COL9A2: variants seen among roughly 807,000 people sequenced by gnomAD.
The protein encoded by COL9A2 is collagen type IX alpha 2 chain.
Under a neutral mutation model 111.6 loss-of-function variants are expected in COL9A2, and 66 were observed. The ratio of observed to expected loss-of-function variants is 0.59; its 90% CI spans 0.48 to 0.73. COL9A2 has a LOEUF of 0.73. Among genes scored for constraint, COL9A2 ranks in the 30% least tolerant of loss-of-function variants. The pLI, the probability that COL9A2 is intolerant of heterozygous loss-of-function variation, is 0.00. For synonymous variants in COL9A2, 353 were observed against 364.1 expected (o/e 0.97, Z 0.35); for missense variants, 881 against 954.1 (o/e 0.92, Z 1.01).
At chr1:40,304,564 C>A (rs997892467) in intron 22 of COL9A2, 35 bp from the exon 23 acceptor site, 9 of 1,613,124 alleles carry the variant, frequency 5.6e-6, no homozygotes, top group Admixed American at 5.0e-5. Flanking sequence ...ACCTCAGCAG[C>A]TCTCAGCAGG....
Position 40,301,803 on chromosome 1 carries a change from A to G in COL9A2, c.1870+9T>C, listed in dbSNP as rs139929272. On this transcript the variant is annotated intron_variant, in intron 31 of 31. Transcript: ENST00000372748. ...AACACACTGCAGCTGGGCAGGGCCA[A>G]TGGCTTACCTGGGATCCCTGGGGGC... 1,160 of 1,613,776 alleles carry G rather than the reference A, an allele frequency of 7.2e-4. 10 individuals are homozygous for G. In the African/African-American group the frequency reaches 0.013, roughly 19 times the overall value.
At chr1:40,308,091 G>T in intron 17 of COL9A2, 101 bp downstream of exon 17, 1 of 1,185,236 alleles carries the variant, frequency 8.4e-7, no homozygotes. Flanking sequence ...CCCACCAGTT[G>T]CAGAGTTCAG....
In COL9A2 at chr1:40,306,031, G is replaced by A. The variant is rs978539473; in HGVS notation, c.1053+112C>T. The stretch of plus-strand genomic sequence containing the variant: ...GCAGGAGGGAGGTGGTTAGGCCCAA[G>A]GGGCTTATGTTCTGGCTGAGCCTCT... On this transcript the variant is annotated intron_variant, in intron 20 of 31. Coordinates refer to ENST00000372748, the MANE Select transcript of COL9A2 (RefSeq NM_001852.4). 76 of 1,285,004 alleles carry A rather than the reference G, an allele frequency of 5.9e-5. No individual in the cohort carries two copies. In the African/African-American group the frequency reaches 1.0e-3, roughly 17 times the overall value. 79.6% of individuals were successfully genotyped at this position (1,285,004 alleles called of 1,614,324 possible). A position where few individuals can be genotyped will look rare whatever the true frequency, so the allele number is the denominator to read the frequency against.
chr1:40,311,248 T>TGG lies in COL9A2; in HGVS notation c.556_557dup (p.Gly187GlnfsTer6), dbSNP rs749888464. 6.2e-7 allele frequency: 1 copy of TGG among 1,614,146 alleles called. No homozygotes were observed. The highest frequency in any genetic ancestry group is 8.5e-7 in the Non-Finnish European group (1 of 1,180,004). ...CTCTCACCTTCACTCCCTGCAGCCCTGGGGGACCTTTCATTCCGGGTGGAC... is the reference window on the plus strand; with the variant it reads ...CTCTCACCTTCACTCCCTGCAGCCCTGGGGGGGACCTTTCATTCCGGGTGGAC... On this transcript the variant is annotated frameshift_variant, in exon 11 of 32. Transcript: ENST00000372748. LOFTEE classifies it high-confidence loss of function. The surrounding 1 kb of genome is among the most constrained non-coding windows in gnomAD (Gnocchi z 5.1).
rs2273197 is a variant in COL9A2 at position 40,314,429 on chromosome 1, A to G, written c.151-42T>C. On this transcript the variant is annotated intron_variant, in intron 2 of 31. Coordinates refer to ENST00000372748, the MANE Select transcript of COL9A2 (RefSeq NM_001852.4). This position sits in a 1 kb window ranked among gnomAD's most constrained non-coding sequence, Gnocchi z 4.1. Reference sequence around the variant, plus strand: ...GGTGAGACAGCACACTACGGCTCACACTACCCCAAGTGGGCACACACAGGC... The same window carrying G: ...GGTGAGACAGCACACTACGGCTCACGCTACCCCAAGTGGGCACACACAGGC... The G allele has an allele frequency of 1.7e-3, 2,821 of 1,613,704 alleles. 32 individuals carry two copies. The East Asian group carries it at 0.028, about 16-fold the overall frequency.
chr1:40,304,790 T>C lies in COL9A2; in HGVS notation c.1161+4A>G. On this transcript the variant is annotated splice_donor_region_variant and intron_variant, in intron 22 of 31. Coordinates refer to ENST00000372748, the MANE Select transcript of COL9A2 (RefSeq NM_001852.4). ...GGGGAGGGGCCATTGTGCCAGGCAC[T>C]TACCTTCTGTCCCATGATGCCCTGG... 1.3e-6 allele frequency: 2 copies of C among 1,550,654 alleles called. No individual in the cohort carries two copies. The highest frequency in any genetic ancestry group is 1.7e-6 in the Non-Finnish European group (2 of 1,146,682).
chr1:40,309,881 G>T, intron 16 of COL9A2, 57 bp downstream of exon 16: 1 of 1,584,586 alleles, frequency 6.3e-7, no homozygotes, highest in Non-Finnish European at 8.7e-7. Context: ...GGGGTGCCTT[G>T]TCCTGCCCAG....
Position 40,310,757 on chromosome 1 carries a change from C to T in COL9A2, c.641G>A (p.Gly214Glu). 6.4e-7 allele frequency: 1 copy of T among 1,562,306 alleles called. No homozygotes were observed. The highest frequency in any genetic ancestry group is 1.4e-5 in the African/African-American group (1 of 73,494). The change falls in exon 13 of 32, where the codon GGA becomes GAA. Residue 214 changes from glycine to glutamate, a missense_variant. Transcript: ENST00000372748. The surrounding 1 kb of genome is among the most constrained non-coding windows in gnomAD (Gnocchi z 4.9). ...PGHQGKPGPK[G>E]DVGASGEQGI... is the part of the protein sequence containing the mutation. ...TTGCTCTCCAGAGGCACCCACATCTCCCTTGGGACCCTAAAGGGCAGGGAT... is the reference window on the plus strand; with the variant it reads ...TTGCTCTCCAGAGGCACCCACATCTTCCTTGGGACCCTAAAGGGCAGGGAT...
chr1:40,311,265 C>T lies in COL9A2; in HGVS notation c.541G>A (p.Gly181Arg), dbSNP rs761837402. ...DFLCPTNCPPGMKGPPGLQGV... is the reference protein window; with the variant it reads ...DFLCPTNCPPRMKGPPGLQGV... ...TGCAGCCCTGGGGGACCTTTCATTCCGGGTGGACAGTTGGTTGGACACTGG... is the reference window on the plus strand; with the variant it reads ...TGCAGCCCTGGGGGACCTTTCATTCTGGGTGGACAGTTGGTTGGACACTGG... Residue 181 changes from glycine to arginine, a missense_variant, in exon 11 of 32, where the codon GGA (glycine) becomes AGA (arginine). Transcript: ENST00000372748. This position sits in a 1 kb window ranked among gnomAD's most constrained non-coding sequence, Gnocchi z 5.1. 4.3e-6 allele frequency: 7 copies of T among 1,613,998 alleles called. No homozygotes were observed. Among genetic ancestry groups the T allele is most frequent in the African/African-American group, 1.3e-5 (1 of 74,932 alleles).
rs1644044867 is a variant in COL9A2 at position 40,307,337 on chromosome 1, G to T, written c.1008+109C>A. ...CGCCAGGCCAGGGGCCACAGAGTTG[G>T]TAACAAGGCAAGAGGTGGTGATTGA... is the stretch of plus-strand genomic sequence containing the variant. On this transcript the variant is annotated intron_variant, in intron 19 of 31. Transcript: ENST00000372748. This position sits in a 1 kb window ranked among gnomAD's most constrained non-coding sequence, Gnocchi z 4.8. The T allele has an allele frequency of 2.3e-5, 25 of 1,071,084 alleles. No homozygotes were observed. The South Asian group carries it at 3.1e-4, about 13-fold the overall frequency. The allele number at this position is 1,071,084 out of a possible 1,614,324, so 66.3% of individuals were successfully genotyped here.
intron 19 of COL9A2, among the ~76,000 whole-genome samples, chr1:40,306,930 C>T (rs1486196867): frequency 2.6e-5 from 4 of 151,688 alleles, no homozygotes; most frequent in South Asian, 2.1e-4. Flanking sequence ...GTGCAACCTC[C>T]GCCTCCTGGG....
chr1:40,312,268 CA>C lies in COL9A2; in HGVS notation c.364-157del. On this transcript the variant is annotated intron_variant, in intron 7 of 31. Transcript: ENST00000372748. This position sits in a 1 kb window ranked among gnomAD's most constrained non-coding sequence, Gnocchi z 6.0. ...ACTGACAGACTGAGGCTTTAAGGAC[CA>C]GAGAATTGCAGAGCCAGTGGACAGG... The C allele has an allele frequency of 9.9e-7, 1 of 1,007,138 alleles. No individual in the cohort carries two copies. The highest frequency in any genetic ancestry group is 1.5e-6 in the Non-Finnish European group (1 of 662,400). 62.4% of individuals were successfully genotyped at this position (1,007,138 alleles called of 1,614,324 possible).
At chr1:40,304,163 T>C (rs908903188) in intron 24 of COL9A2, 64 bp from the exon 25 acceptor site, 2 of 1,518,474 alleles carry the variant, frequency 1.3e-6, no homozygotes, top group Non-Finnish European at 1.8e-6. Flanking sequence ...CCCACCTAAC[T>C]TTCGGCCACA....
rs764175791 is a variant in COL9A2, at chr1:40,312,729, A to G, written c.303+2T>C. 1.9e-6 allele frequency: 3 copies of G among 1,555,732 alleles called. No homozygotes were observed. Among genetic ancestry groups the G allele is most frequent in the African/African-American group, 1.4e-5 (1 of 73,242 alleles). ...ACGCTGAGGCCCCAGCAGGCCCCTT[A>G]CCTTGACTCCAGGGATCCCCATGGG... On this transcript the variant is annotated splice_donor_variant, in intron 5 of 31. Coordinates refer to ENST00000372748, the MANE Select transcript of COL9A2 (RefSeq NM_001852.4). LOFTEE classifies it high-confidence loss of function. The surrounding 1 kb of genome is among the most constrained non-coding windows in gnomAD (Gnocchi z 6.0).
rs1644175939 is a variant in COL9A2, at chr1:40,314,063, T to C, written c.249+142A>G. ...GAGGTTCCAGGAAGGTCACAAGTCA[T>C]ATCAAGGTGAGGGGGGCTCACAGCT... On this transcript the variant is annotated intron_variant, in intron 4 of 31. Coordinates refer to ENST00000372748, the MANE Select transcript of COL9A2 (RefSeq NM_001852.4). The surrounding 1 kb of genome is among the most constrained non-coding windows in gnomAD (Gnocchi z 4.1). 2 of 945,416 alleles carry C rather than the reference T, an allele frequency of 2.1e-6. No homozygotes were observed. Among genetic ancestry groups the C allele is most frequent in the Admixed American group, 1.7e-5 (1 of 58,752 alleles). 58.6% of individuals were successfully genotyped at this position (945,416 alleles called of 1,614,324 possible). A position where few individuals can be genotyped will look rare whatever the true frequency, so the allele number is the denominator to read the frequency against.
Position 40,317,078 on chromosome 1 carries a change from A to T in COL9A2, c.75+45T>A, listed in dbSNP as rs775192266. 6.5e-7 allele frequency: 1 copy of T among 1,533,476 alleles called. No individual in the cohort carries two copies. Among genetic ancestry groups the T allele is most frequent in the South Asian group, 1.2e-5 (1 of 83,736 alleles). 95.0% of individuals were successfully genotyped at this position (1,533,476 alleles called of 1,614,324 possible). On this transcript the variant is annotated intron_variant, in intron 1 of 31. Transcript: ENST00000372748. This position sits in a 1 kb window ranked among gnomAD's most constrained non-coding sequence, Gnocchi z 4.3. ...AGAGCTCCTCCATCCCGGACTCCAG[A>T]CCCCGCACCCTGGACCCTGGCAGCG...
At position 40,304,281 on chromosome 1, in the gene COL9A2, G is replaced by C. The variant is rs1569713101; in HGVS notation, c.1287+39C>G. ...TGCCGACCCCACTCCCCCTGTTATAGGGCCCCTTTCCCAGGTGTTTCCCAG... is the reference window on the plus strand; with the variant it reads ...TGCCGACCCCACTCCCCCTGTTATACGGCCCCTTTCCCAGGTGTTTCCCAG... On this transcript the variant is annotated intron_variant, in intron 24 of 31. Transcript: ENST00000372748. 8.4e-6 allele frequency: 13 copies of C among 1,550,010 alleles called. No individual in the cohort carries two copies. The East Asian group carries it at 3.2e-4, about 38-fold the overall frequency.
rs1040081238 is a variant in COL9A2 at position 40,303,571 on chromosome 1, TC to T, written c.1506del (p.Asn503ThrfsTer28). The T allele has an allele frequency of 2.2e-5, 36 of 1,610,930 alleles. No homozygotes were observed. Among genetic ancestry groups the T allele is most frequent in the Non-Finnish European group, 2.9e-5 (34 of 1,179,190 alleles). On this transcript the variant is annotated frameshift_variant, in exon 28 of 32. Coordinates refer to ENST00000372748, the MANE Select transcript of COL9A2 (RefSeq NM_001852.4). LOFTEE classifies it high-confidence loss of function. The surrounding 1 kb of genome is among the most constrained non-coding windows in gnomAD (Gnocchi z 4.6). ...CCGGGCTGTCCTGGCACGCCTCGGT[TC>T]CCGGCCAGTCCTCGAGGGCCGGGGG... ...PGPPGPRGLAGNRGVPGQPGR... is the reference protein window; with the variant it reads ...PGPPGPRGLAXNRGVPGQPGR...
chr1:40,313,396 T>C (rs7552398), intron 4 of COL9A2, among the ~76,000 whole-genome samples: 29,658 of 152,166 alleles, frequency 0.19, 3,443 homozygotes, highest in East Asian at 0.53. Flanking sequence ...CTTGAGCTCC[T>C]GACCTCAAGT....
Sources: gnomAD v4.1 joint callset for allele counts (sites outside exome capture counted in the v4.1 genomes callset) on GRCh38, gnomAD v4.1.1 for gene constraint, Gnocchi (gnomAD v3.1) non-coding constraint, MANE v1.5 for transcripts, NCBI Gene and HGNC (gene_info 2026-07-23, HGNC 2026-07-21) for gene names.